CDH22: variants seen among roughly 807,000 people sequenced by gnomAD.
CDH22 encodes cadherin 22, also known as cadherin-22.
CDH22 carries 30 observed loss-of-function variants against 58.4 expected under a neutral mutation model. That is an observed-to-expected ratio of 0.51 (90% CI 0.38 to 0.70). CDH22 has a LOEUF of 0.70. CDH22 is among the 30% of genes least tolerant of loss of function. The pLI, the probability that CDH22 is intolerant of heterozygous loss-of-function variation, is 0.00. For synonymous variants in CDH22, 513 were observed against 558.2 expected (o/e 0.92, Z 1.14); for missense variants, 1,014 against 1,233.9 (o/e 0.82, Z 2.67).
rs1285476599 is a variant in CDH22, at chr20:46,210,857, T to C, written c.1033-297A>G. Among the ~76,000 whole-genome samples the C allele has an allele frequency of 2.0e-5, 3 of 152,226 alleles. No homozygotes were observed. The highest frequency in any genetic ancestry group is 4.4e-5 in the Non-Finnish European group (3 of 68,042). ...CAGTGTTGGCGGCATATTTCATTAG[T>C]TTAGTTCACGAACACAAAGCACCTA... On this transcript the variant is annotated intron_variant, in intron 6 of 11. Coordinates refer to ENST00000537909, the MANE Select transcript of CDH22 (RefSeq NM_021248.3). This position sits in a 1 kb window ranked among gnomAD's most constrained non-coding sequence, Gnocchi z 4.5.
chr20:46,252,919 C>A (rs1330730920), intron 1 of CDH22, among the ~76,000 whole-genome samples: 3 of 152,192 alleles, frequency 2.0e-5, no homozygotes, highest in Non-Finnish European at 4.4e-5. Context: ...ATCAGGGTTA[C>A]TTCTTGGAGG....
chr20:46,269,139 C>T (rs542743993), intron 1 of CDH22, among the ~76,000 whole-genome samples: 2 of 152,352 alleles, frequency 1.3e-5, no homozygotes, highest in African/African-American at 4.8e-5. Flanking sequence ...TAACTCTCTT[C>T]TGCAAACTGA....
chr20:46,240,841 C>T (rs1355393091), intron 3 of CDH22, 122 bp downstream of exon 3: 2 of 900,346 alleles, frequency 2.2e-6, no homozygotes, highest in African/African-American at 3.4e-5. Context: ...TACCCTGTAC[C>T]CTAGGTCAGC....
intron 1 of CDH22, among the ~76,000 whole-genome samples, chr20:46,273,758 G>C (rs1273585382): frequency 1.3e-5 from 2 of 152,218 alleles, no homozygotes; most frequent in African/African-American, 4.8e-5. Context: ...TGAGCCACCG[G>C]GTTGTGAAAG....
At chr20:46,219,505 C>T (rs2086109068) in intron 4 of CDH22, among the ~76,000 whole-genome samples, 1 of 152,074 alleles carries the variant, frequency 6.6e-6, no homozygotes, top group South Asian at 2.1e-4. Context: ...GTGTGTGTGA[C>T]CTGTATGTTG....
rs183448988 is a variant in CDH22, at chr20:46,261,486, G to A, written c.-399-9793C>T. Among the ~76,000 whole-genome samples, 23 of 152,292 alleles carry A rather than the reference G, an allele frequency of 1.5e-4. No individual in the cohort carries two copies. In the East Asian group the frequency reaches 3.7e-3, roughly 24 times the overall value. On this transcript the variant is annotated intron_variant, in intron 1 of 11. Coordinates refer to ENST00000537909, the MANE Select transcript of CDH22 (RefSeq NM_021248.3). Reference sequence around the variant, plus strand: ...TATGGGAGTTGCCTCCTGCTCCAGCGCCAGACTCAGGCTAGGGGAAAGGGT... The same window carrying A: ...TATGGGAGTTGCCTCCTGCTCCAGCACCAGACTCAGGCTAGGGGAAAGGGT...
chr20:46,271,071 A>C (rs981417822), intron 1 of CDH22, among the ~76,000 whole-genome samples: 2 of 152,226 alleles, frequency 1.3e-5, no homozygotes, highest in African/African-American at 4.8e-5. Flanking sequence ...GCAAGAGTGG[A>C]GCAGTCATGA....
intron 1 of CDH22, among the ~76,000 whole-genome samples, chr20:46,303,293 A>G (rs979867937): frequency 2.0e-5 from 3 of 151,862 alleles, no homozygotes; most frequent in Non-Finnish European, 4.4e-5. Flanking sequence ...CTCTGCTCTT[A>G]TTCCTCCCTA....
intron 1 of CDH22, among the ~76,000 whole-genome samples, chr20:46,282,249 G>A (rs533096426): frequency 3.9e-5 from 6 of 152,326 alleles, no homozygotes; most frequent in African/African-American, 1.4e-4. Flanking sequence ...AACGTGCCCA[G>A]GATACCCTGA....
intron 3 of CDH22, among the ~76,000 whole-genome samples, chr20:46,231,063 T>G (rs1349454249): frequency 6.6e-6 from 1 of 152,100 alleles, no homozygotes; most frequent in East Asian, 1.9e-4. Context: ...TGGGTTTAGA[T>G]TCTCCCTCCC....
chr20:46,259,645 C>T (rs1600719592), intron 1 of CDH22, among the ~76,000 whole-genome samples: 1 of 152,236 alleles, frequency 6.6e-6, no homozygotes, highest in Admixed American at 6.5e-5. Context: ...CCTTGAGTAA[C>T]CATGGAGGGC....
intron 10 of CDH22, among the ~76,000 whole-genome samples, chr20:46,182,930 G>A (rs1022078728): frequency 1.1e-4 from 16 of 152,298 alleles, no homozygotes; most frequent in Admixed American, 9.2e-4. Flanking sequence ...GGCCTTCCAC[G>A]GCTGCTGTGA....
intron 10 of CDH22, among the ~76,000 whole-genome samples, chr20:46,179,462 C>A (rs2085769276): frequency 6.6e-6 from 1 of 152,132 alleles, no homozygotes; most frequent in Non-Finnish European, 1.5e-5. Flanking sequence ...GAAAAGGAGC[C>A]CTACGAAGGT....
intron 3 of CDH22, among the ~76,000 whole-genome samples, chr20:46,231,376 C>A (rs902063090): frequency 6.6e-6 from 1 of 152,156 alleles, no homozygotes; most frequent in African/African-American, 2.4e-5. Context: ...TGATGTGGAG[C>A]CCCATCCCTG....
At chr20:46,252,832 T>C (rs971540862) in intron 1 of CDH22, among the ~76,000 whole-genome samples, 1 of 152,172 alleles carries the variant, frequency 6.6e-6, no homozygotes, top group Non-Finnish European at 1.5e-5. Flanking sequence ...AGTGTCTGTG[T>C]GGACAACCTG....
Position 46,257,109 on chromosome 20 carries a change from AC to A in CDH22, c.-399-5417del, listed in dbSNP as rs542302955. On this transcript the variant is annotated intron_variant, in intron 1 of 11. Coordinates refer to ENST00000537909, the MANE Select transcript of CDH22 (RefSeq NM_021248.3). ...GATCATTTGAGCCCAGGAGTTCAAG[AC>A]CAGCCTGGGGAACATGGCAAAACCC... Among the ~76,000 whole-genome samples, 35 of 151,706 alleles carry A rather than the reference AC, an allele frequency of 2.3e-4. No homozygotes were observed. The South Asian group carries it at 6.9e-3, about 30-fold the overall frequency.
At chr20:46,267,898 C>T (rs1412932546) in intron 1 of CDH22, among the ~76,000 whole-genome samples, 1 of 152,218 alleles carries the variant, frequency 6.6e-6, no homozygotes, top group African/African-American at 2.4e-5. Flanking sequence ...CTCAGGAACA[C>T]CGTGGCAGGG....
chr20:46,298,125 T>A (rs1005224643), intron 1 of CDH22, among the ~76,000 whole-genome samples: 2 of 152,320 alleles, frequency 1.3e-5, no homozygotes, highest in South Asian at 2.1e-4. Flanking sequence ...TCAATAAGGT[T>A]GTCCTCCCTC....
chr20:46,308,430 C>T lies in CDH22; in HGVS notation c.-575G>A. On this transcript the variant is annotated 5_prime_UTR_variant, in exon 1 of 12. Coordinates refer to ENST00000537909, the MANE Select transcript of CDH22 (RefSeq NM_021248.3). The surrounding 1 kb of genome is among the most constrained non-coding windows in gnomAD (Gnocchi z 4.3). Reference sequence around the variant, plus strand: ...CGGCGTGTGCGCGCGTGTGTGTGAGCGAGAGAGCGAGAGAGCGAGAGAGCG... The same window carrying T: ...CGGCGTGTGCGCGCGTGTGTGTGAGTGAGAGAGCGAGAGAGCGAGAGAGCG... 9.6e-6 allele frequency: 2 copies of T among 207,620 alleles called. No individual in the cohort carries two copies. 12.9% of individuals were successfully genotyped at this position (207,620 alleles called of 1,614,324 possible).
Sources: allele counts gnomAD v4.1 joint callset (sites outside exome capture counted in the v4.1 genomes callset), GRCh38; gene constraint gnomAD v4.1.1; non-coding constraint Gnocchi (gnomAD v3.1); transcripts MANE v1.5; gene names NCBI Gene and HGNC (gene_info 2026-07-23, HGNC 2026-07-21).